MMP7: variants seen among roughly 807,000 people sequenced by gnomAD.
MMP7 encodes the protein matrix metallopeptidase 7, also known as matrilysin.
In MMP7, 26 loss-of-function variants were observed where a neutral mutation model predicts 31.5. The ratio of observed to expected loss-of-function variants is 0.83; its 90% CI spans 0.61 to 1.15. MMP7 has a LOEUF of 1.15. MMP7 is among the 50% of genes most tolerant of loss of function. The pLI is 0.00. For missense variants in MMP7, 367 were observed against 326.5 expected (o/e 1.12, Z -0.96); for synonymous variants, 142 against 124.2 (o/e 1.14, Z -0.95).
In MMP7 at chr11:102,525,007, G is replaced by T; in HGVS notation, c.542C>A (p.Ala181Glu). 1 of 1,613,716 alleles carries T rather than the reference G, an allele frequency of 6.2e-7. No homozygotes were observed. Among genetic ancestry groups the T allele is most frequent in the Non-Finnish European group, 8.5e-7 (1 of 1,179,874 alleles). Residue 181 changes from alanine to glutamate, a missense_variant, in exon 4 of 6, where the codon GCG (alanine) becomes GAG (glutamate). Physicochemically the swap from Ala to Glu is moderately radical, Grantham distance 107. Transcript: ENST00000260227. ...ATCTCCTCCGAGACCTGTCCCAGGC[G>T]CAAAGGCATGAGCCAGCGTGTTTCC... ...GPGNTLAHAFAPGTGLGGDAH... is the reference protein window; with the variant it reads ...GPGNTLAHAFEPGTGLGGDAH...
At chr11:102,528,812 T>G (rs1296986911) in intron 1 of MMP7, among the ~76,000 whole-genome samples, 1 of 152,180 alleles carries the variant, frequency 6.6e-6, no homozygotes, top group Non-Finnish European at 1.5e-5. Context: ...CAAAAGTGAA[T>G]GAACTAACAA....
intron 1 of MMP7, among the ~76,000 whole-genome samples, chr11:102,528,665 C>T (rs1858700458): frequency 6.6e-6 from 1 of 152,148 alleles, no homozygotes; most frequent in African/African-American, 2.4e-5. Flanking sequence ...TCTAGTCAAA[C>T]CCACTTTGGG....
intron 1 of MMP7, among the ~76,000 whole-genome samples, chr11:102,530,313 T>A (rs1858721202): frequency 6.6e-6 from 1 of 152,222 alleles, no homozygotes; most frequent in African/African-American, 2.4e-5. Flanking sequence ...TATCTCCAAC[T>A]TCCAAATTGG....
Position 102,527,953 on chromosome 11 carries a change from A to T in MMP7, c.139T>A (p.Ser47Thr). 6.2e-7 allele frequency: 1 copy of T among 1,613,846 alleles called. No individual in the cohort carries two copies. Among genetic ancestry groups the T allele is most frequent in the South Asian group, 1.1e-5 (1 of 91,072 alleles). Residue 47 changes from serine (S) to threonine (T), a missense_variant, in exon 2 of 6, where the codon TCA becomes ACA. By Grantham distance (58) the Ser-to-Thr change is moderately conservative. Transcript: ENST00000260227. The part of the protein sequence containing the change: ...DYLKRFYLYD[S>T]ETKNANSLEA... ...AAACTGTTGGCATTTTTTGTTTCTG[A>T]GTCATAGAGATAAAATCTCTTGAGA...
rs1182965887 is a variant in MMP7, at chr11:102,520,690, T to G, written c.*86A>C. 2.7e-6 allele frequency: 3 copies of G among 1,108,162 alleles called. No individual in the cohort carries two copies. Among genetic ancestry groups the G allele is most frequent in the Non-Finnish European group, 3.9e-6 (3 of 772,042 alleles). The allele number at this position is 1,108,162 out of a possible 1,614,324, so 68.6% of individuals were successfully genotyped here. On this transcript the variant is annotated 3_prime_UTR_variant, in exon 6 of 6. Coordinates refer to ENST00000260227, the MANE Select transcript of MMP7 (RefSeq NM_002423.5). ...AGGGTGACATAATTGCTAAATGGAG[T>G]GGAGGAACAGTGCTTATCAATTCTG...
chr11:102,528,051 T>C (rs1161121447), intron 1 of MMP7, 68 bp from the exon 2 acceptor site: 1 of 1,135,624 alleles, frequency 8.8e-7, no homozygotes. Flanking sequence ...GAAGCCTATA[T>C]ATCTCTTGCC....
chr11:102,526,479 C>T (rs1204395697), intron 3 of MMP7, among the ~76,000 whole-genome samples: 1 of 152,022 alleles, frequency 6.6e-6, no homozygotes, highest in Non-Finnish European at 1.5e-5. Context: ...GCAGATGATC[C>T]ACCTGCCTTG....
intron 4 of MMP7, 112 bp downstream of exon 4, chr11:102,524,824 T>G (rs1396113834): frequency 8.2e-7 from 1 of 1,221,790 alleles, no homozygotes; most frequent in African/African-American, 1.5e-5. Context: ...GTACAGTGTT[T>G]GGCACTTAGC....
At chr11:102,529,886 A>C (rs541892259) in intron 1 of MMP7, among the ~76,000 whole-genome samples, 2 of 152,344 alleles carry the variant, frequency 1.3e-5, no homozygotes, top group South Asian at 2.1e-4. Flanking sequence ...ATTAAATGAC[A>C]CAATGTCTAT....
At chr11:102,526,970 T>C (rs1184101242) in intron 3 of MMP7, 1 of 159,968 alleles carries the variant, frequency 6.3e-6, no homozygotes, top group African/African-American at 2.4e-5. Context: ...TAGGCTATAC[T>C]ATGTAGCCTA....
chr11:102,527,760 T>C lies in MMP7; in HGVS notation c.332A>G (p.Tyr111Cys). 1 of 1,614,178 alleles carries C rather than the reference T, an allele frequency of 6.2e-7. No individual in the cohort carries two copies. Among genetic ancestry groups the C allele is most frequent in the African/African-American group, 1.3e-5 (1 of 75,068 alleles). ...SPKWTSKVVT[Y>C]RIVSYTRDLP... ...AATGAGCCAGAGCAAAACTAACCTG[T>C]AGGTGACCACTTTGGAAGTCCATTT... The change falls in exon 2 of 6, where the codon TAC (tyrosine) becomes TGC (cysteine). Residue 111 changes from tyrosine to cysteine, a missense_variant. By Grantham distance (194) the Tyr-to-Cys change is radical. Coordinates refer to ENST00000260227, the MANE Select transcript of MMP7 (RefSeq NM_002423.5).
intron 3 of MMP7, chr11:102,527,160 A>C: frequency 3.9e-6 from 1 of 254,226 alleles, no homozygotes; most frequent in Non-Finnish European, 7.6e-6. Flanking sequence ...TTTTCTGTAA[A>C]GGGTCAGATA....
chr11:102,522,532 C>T (rs1462815258), intron 5 of MMP7, among the ~76,000 whole-genome samples: 2 of 152,182 alleles, frequency 1.3e-5, no homozygotes, highest in African/African-American at 2.4e-5. Context: ...CTCAAGCACT[C>T]GACAGTCACA....
Position 102,522,817 on chromosome 11 carries a change from G to C in MMP7, c.775+423C>G, listed in dbSNP as rs191945086. Among the ~76,000 whole-genome samples the C allele has an allele frequency of 8.9e-4, 136 of 152,300 alleles. 3 individuals carry two copies. The highest frequency in any genetic ancestry group is 2.3e-3 in the South Asian group (11 of 4,824). On this transcript the variant is annotated intron_variant, in intron 5 of 5. Coordinates refer to ENST00000260227, the MANE Select transcript of MMP7 (RefSeq NM_002423.5). ...GGTTAACCGCTTTCTCTACATGTAC[G>C]TGCAAACAGGAAGAGCAGGGTCACT...
At chr11:102,524,757 T>G in intron 4 of MMP7, 179 bp downstream of exon 4, 1 of 534,748 alleles carries the variant, frequency 1.9e-6, no homozygotes. Flanking sequence ...TGAGTGTCCA[T>G]CTTCTGTGTG....
chr11:102,521,385 A>G (rs755757068), intron 5 of MMP7, among the ~76,000 whole-genome samples: 1 of 152,114 alleles, frequency 6.6e-6, no homozygotes, highest in Non-Finnish European at 1.5e-5. Context: ...TTTAGTAGAC[A>G]TGGGGTTTTA....
rs1858603251 is a variant in MMP7 at position 102,520,729 on chromosome 11, G to A, written c.*47C>T. The A allele has an allele frequency of 6.9e-7, 1 of 1,448,120 alleles. No individual in the cohort carries two copies. The highest frequency in any genetic ancestry group is 2.3e-5 in the East Asian group (1 of 44,014). 89.7% of individuals were successfully genotyped at this position (1,448,120 alleles called of 1,614,324 possible). ...TTATCAATTCTGATTGTGCAACAAT[G>A]ATATACAATCCAATGAATGAATGAA... is the stretch of plus-strand genomic sequence containing the variant. On this transcript the variant is annotated 3_prime_UTR_variant, in exon 6 of 6. Transcript: ENST00000260227.
intron 1 of MMP7, among the ~76,000 whole-genome samples, chr11:102,529,549 T>C (rs1371364717): frequency 6.6e-6 from 1 of 152,202 alleles, no homozygotes; most frequent in East Asian, 1.9e-4. Context: ...TTGGAGATTT[T>C]AAAAGTTAAA....
chr11:102,525,803 C>T (rs1272699206), intron 3 of MMP7, among the ~76,000 whole-genome samples: 7 of 134,636 alleles, frequency 5.2e-5, no homozygotes, highest in East Asian at 2.1e-4. Context: ...GCTTATTCTT[C>T]GTGGGCATAG....
Sources: gnomAD v4.1 joint callset for allele counts (sites outside exome capture counted in the v4.1 genomes callset) on GRCh38, gnomAD v4.1.1 for gene constraint, MANE v1.5 for transcripts, NCBI Gene and HGNC (gene_info 2026-07-23, HGNC 2026-07-21) for gene names.